The following DCHS2 variants were observed in gnomAD, a reference collection of about 807,000 sequenced individuals.
The protein encoded by DCHS2 is protocadherin-23.
A neutral mutation model predicts 182.4 loss-of-function variants in DCHS2; 142 were observed. That is an observed-to-expected ratio of 0.78 (90% CI 0.68 to 0.89). The LOEUF is 0.89. Ranked by LOEUF, DCHS2 falls within the 40% of genes least tolerant of loss-of-function variation. The pLI, the probability that DCHS2 is intolerant of heterozygous loss-of-function variation, is 0.00. For synonymous variants in DCHS2, 1,740 were observed against 1,663.3 expected, an observed-to-expected ratio of 1.05 and a Z score of -1.12; for missense variants, 4,319 against 4,198.6, an observed-to-expected ratio of 1.03 and a Z score of -0.79.
intron 17 of DCHS2, 56 bp downstream of exon 17, chr4:154,242,586 G>A (rs1339871072): frequency 4.5e-6 from 7 of 1,566,056 alleles, no homozygotes; most frequent in Non-Finnish European, 5.2e-6. Flanking sequence ...TAAAGAAAAT[G>A]GTAAATGATA....
intron 1 of DCHS2, among the ~76,000 whole-genome samples, chr4:154,477,963 T>G (rs967278232): frequency 3.9e-5 from 6 of 152,212 alleles, no homozygotes; most frequent in Admixed American, 2.6e-4. Flanking sequence ...CTATTCCTAC[T>G]TTTCCATGAA....
chr4:154,280,937 C>T (rs986715866), intron 13 of DCHS2, among the ~76,000 whole-genome samples: 1 of 151,926 alleles, frequency 6.6e-6, no homozygotes, highest in African/African-American at 2.4e-5. Context: ...AAGTGATTCT[C>T]CCACCTCAGC....
At chr4:154,345,637 C>T (rs111802287) in intron 3 of DCHS2, among the ~76,000 whole-genome samples, 3,694 of 148,072 alleles carry the variant, frequency 0.025, 79 homozygotes, top group Non-Finnish European at 0.036. Flanking sequence ...CTATCATAAC[C>T]TGTGGTATTT....
chr4:154,298,419 A>G lies in DCHS2; in HGVS notation c.5895T>C (p.Asn1965=), dbSNP rs1363777644. 1.9e-6 allele frequency: 3 copies of G among 1,614,168 alleles called. No homozygotes were observed. In the South Asian group the frequency reaches 3.3e-5, roughly 18 times the overall value. ...CAGTCAGAAAATACTCAGTTTGCCC[A>G]TTCAGGCCTTCATCCTTGTCCACAG... is the stretch of plus-strand genomic sequence containing the variant. ...LSAVDKDEGL[N]GQTEYFLTDE... The change falls in exon 13 of 20, where the codon AAT becomes AAC. Residue 1965 remains asparagine, a synonymous_variant. Coordinates refer to ENST00000357232, the MANE Select transcript of DCHS2 (RefSeq NM_001358235.2).
chr4:154,456,125 C>T (rs1483568298), intron 1 of DCHS2, among the ~76,000 whole-genome samples: 1 of 151,946 alleles, frequency 6.6e-6, no homozygotes, highest in African/African-American at 2.4e-5. Context: ...CTCCAGGCTG[C>T]GCTTCTATCT....
chr4:154,370,487 A>G (rs190245857), intron 2 of DCHS2, among the ~76,000 whole-genome samples: 1 of 152,304 alleles, frequency 6.6e-6, no homozygotes, highest in Admixed American at 6.5e-5. Flanking sequence ...GACTATTATT[A>G]TGCCCTGTAT....
At position 154,322,468 on chromosome 4, in the gene DCHS2, T is replaced by C. The variant is rs755406633; in HGVS notation, c.4039A>G (p.Lys1347Glu). 6.2e-7 allele frequency: 1 copy of C among 1,612,978 alleles called. No homozygotes were observed. The highest frequency in any genetic ancestry group is 8.5e-7 in the Non-Finnish European group (1 of 1,179,534). ...VSSEDSSDHF[K>E]IDANNGEIRT... ...ATTTCACCATTGTTGGCGTCAATCTTAAAGTGATCAGAACTATCTTCTACA... is the reference window on the plus strand; with the variant it reads ...ATTTCACCATTGTTGGCGTCAATCTCAAAGTGATCAGAACTATCTTCTACA... Residue 1347 changes from lysine to glutamate, a missense_variant, in exon 8 of 20, where the codon AAG becomes GAG. Coordinates refer to ENST00000357232, the MANE Select transcript of DCHS2 (RefSeq NM_001358235.2).
intron 10 of DCHS2, among the ~76,000 whole-genome samples, chr4:154,311,038 G>T (rs1462409122): frequency 7.4e-6 from 1 of 134,424 alleles, no homozygotes; most frequent in Non-Finnish European, 1.8e-5. Context: ...TTTACTATCT[G>T]GTCCTTTAAA....
intron 3 of DCHS2, among the ~76,000 whole-genome samples, chr4:154,353,703 T>A (rs1233049291): frequency 6.6e-6 from 1 of 152,242 alleles, no homozygotes; most frequent in African/African-American, 2.4e-5. Flanking sequence ...TAAGCATTCC[T>A]CTAGCGAAGT....
At position 154,298,079 on chromosome 4, in the gene DCHS2, C is replaced by T. The variant is rs149393257; in HGVS notation, c.6235G>A (p.Glu2079Lys). ...PNGTVVFSFA[E>K]TQSMFSIDKY... ...TCAATAGAAAACATTGACTGGGTCT[C>T]TGCAAAACTAAAAACCACAGTTCCA... Residue 2079 changes from glutamate (E) to lysine (K), a missense_variant, in exon 13 of 20, where the codon GAG (glutamate) becomes AAG (lysine). Coordinates refer to ENST00000357232, the MANE Select transcript of DCHS2 (RefSeq NM_001358235.2). The T allele has an allele frequency of 1.0e-4, 165 of 1,613,984 alleles. No homozygotes were observed. The highest frequency in any genetic ancestry group is 1.3e-4 in the Non-Finnish European group (159 of 1,180,030).
At chr4:154,487,410 C>T (rs1312912101) in intron 1 of DCHS2, among the ~76,000 whole-genome samples, 1 of 152,204 alleles carries the variant, frequency 6.6e-6, no homozygotes, top group Non-Finnish European at 1.5e-5. Flanking sequence ...AGCCAAGTTG[C>T]TTCACATCAG....
intron 1 of DCHS2, among the ~76,000 whole-genome samples, chr4:154,466,391 T>C (rs1160664845): frequency 6.6e-6 from 1 of 152,188 alleles, no homozygotes; most frequent in Non-Finnish European, 1.5e-5. Flanking sequence ...GCAAAATAGA[T>C]GGCCAGATGA....
chr4:154,335,753 C>T (rs1728772205), intron 3 of DCHS2, among the ~76,000 whole-genome samples: 1 of 152,266 alleles, frequency 6.6e-6, no homozygotes, highest in South Asian at 2.1e-4. Context: ...AACCAAAGAC[C>T]TTCTGCATAT....
At chr4:154,285,649 T>G (rs922938112) in intron 13 of DCHS2, among the ~76,000 whole-genome samples, 2 of 152,020 alleles carry the variant, frequency 1.3e-5, no homozygotes, top group Non-Finnish European at 2.9e-5. Flanking sequence ...ACTCTTATGC[T>G]TGTAGAAAAG....
chr4:154,314,889 T>C (rs570280725), intron 10 of DCHS2, among the ~76,000 whole-genome samples: 32 of 152,298 alleles, frequency 2.1e-4, no homozygotes, highest in African/African-American at 7.5e-4. Flanking sequence ...CTATTCATAT[T>C]AGTTCAGATG....
intron 3 of DCHS2, among the ~76,000 whole-genome samples, chr4:154,354,150 T>C (rs944313024): frequency 9.2e-5 from 14 of 152,200 alleles, no homozygotes; most frequent in African/African-American, 3.4e-4. Context: ...GGCCTCGAAT[T>C]CCTGGGCTCA....
intron 1 of DCHS2, among the ~76,000 whole-genome samples, chr4:154,453,347 C>T (rs1483480126): frequency 6.7e-6 from 1 of 149,336 alleles, no homozygotes; most frequent in Admixed American, 6.8e-5. Context: ...GGGTGGTGGG[C>T]AAAGATAGAG....
At chr4:154,276,720 C>A (rs1268706685) in intron 13 of DCHS2, among the ~76,000 whole-genome samples, 3 of 152,182 alleles carry the variant, frequency 2.0e-5, no homozygotes, top group African/African-American at 7.2e-5. Flanking sequence ...AAACCCCAGA[C>A]CTTGCTGCAC....
chr4:154,455,440 G>C (rs1734723613), intron 1 of DCHS2, among the ~76,000 whole-genome samples: 1 of 152,212 alleles, frequency 6.6e-6, no homozygotes, highest in Non-Finnish European at 1.5e-5. Flanking sequence ...TACATTTTGT[G>C]ATATGAGTTC....
Sources: allele counts gnomAD v4.1 joint callset (sites outside exome capture counted in the v4.1 genomes callset), GRCh38; gene constraint gnomAD v4.1.1; transcripts MANE v1.5; gene names NCBI Gene and HGNC (gene_info 2026-07-23, HGNC 2026-07-21).